The following GAPVD1 variants were observed in gnomAD, a reference collection of about 807,000 sequenced individuals.
GAPVD1 encodes GTPase-activating protein and VPS9 domain-containing protein 1.
GAPVD1 carries 35 observed loss-of-function variants against 155.5 expected under a neutral mutation model. The ratio of observed to expected loss-of-function variants is 0.23; its 90% confidence interval spans 0.17 to 0.30. The LOEUF (loss-of-function observed/expected upper bound fraction) is 0.30. Ranked by LOEUF, GAPVD1 falls within the 10% of genes least tolerant of loss-of-function variation. The pLI, the probability that GAPVD1 is intolerant of heterozygous loss-of-function variation, is 1.00. For missense variants in GAPVD1, 1,429 were observed against 1,775.7 expected (o/e 0.80, Z 3.51); for synonymous variants, 636 against 619.7 (o/e 1.03, Z -0.39).
intron 15 of GAPVD1, 104 bp from the exon 16 acceptor site, chr9:125,336,914 G>T: frequency 1.5e-6 from 1 of 657,130 alleles, no homozygotes; most frequent in Non-Finnish European, 2.7e-6. Context: ...AGTTCTAATG[G>T]ATCAAAAAAG....
At chr9:125,301,473 G>A (rs1282272694) in intron 4 of GAPVD1, among the ~76,000 whole-genome samples, 2 of 151,424 alleles carry the variant, frequency 1.3e-5, no homozygotes, top group African/African-American at 4.9e-5. Context: ...TTTCCAGACA[G>A]AGTCTTGCTT....
intron 12 of GAPVD1, among the ~76,000 whole-genome samples, chr9:125,328,184 ATTTCT>A (rs939262772): frequency 5.0e-5 from 7 of 139,352 alleles, no homozygotes; most frequent in Admixed American, 1.4e-4. Context: ...GTGCAAATAG[ATTTCT>A]TTTTTTTTTT....
rs368384186 is a variant in GAPVD1, at chr9:125,307,530, A to C, written c.1234A>C (p.Ser412Arg). The C allele has an allele frequency of 2.5e-6, 4 of 1,611,580 alleles. No individual in the cohort carries two copies. In the African/African-American group the frequency reaches 5.3e-5, roughly 22 times the overall value. Residue 412 changes from serine (S) to arginine (R), a missense_variant, in exon 7 of 28, where the codon AGT (serine) becomes CGT (arginine). This residue lies in a region of GAPVD1 where 628 missense variants were observed against 733.4 expected (regional missense o/e 0.86). Coordinates refer to ENST00000297933, the MANE Select transcript of GAPVD1 (RefSeq NM_001282680.3). ...CAGAACTGTGGTTTATATAACCTAC[A>C]GTCAGCTTATTACTCTGGTAATGGC... The part of the protein sequence containing the change: ...LSRTVVYITY[S>R]QLITLVNFMK...
intron 15 of GAPVD1, among the ~76,000 whole-genome samples, chr9:125,336,405 T>C (rs559819240): frequency 2.6e-5 from 4 of 152,326 alleles, no homozygotes; most frequent in African/African-American, 7.2e-5. Context: ...TTTAAAGTTA[T>C]TTGCTGAGAG....
At chr9:125,333,863 G>C (rs1370838013) in intron 15 of GAPVD1, among the ~76,000 whole-genome samples, 1 of 151,818 alleles carries the variant, frequency 6.6e-6, no homozygotes, top group Non-Finnish European at 1.5e-5. Flanking sequence ...TTGACATTTT[G>C]GGCTGGGAAA....
At chr9:125,315,995 T>C (rs1268472737) in intron 9 of GAPVD1, among the ~76,000 whole-genome samples, 1 of 152,204 alleles carries the variant, frequency 6.6e-6, no homozygotes, top group African/African-American at 2.4e-5. Context: ...GGAAATGTTT[T>C]GTTTTGTTAT....
intron 8 of GAPVD1, chr9:125,309,939 A>G (rs150687332): frequency 5.1e-4 from 241 of 468,626 alleles, no homozygotes; most frequent in African/African-American, 4.3e-3. Context: ...GACAACAGTT[A>G]GCAGCCATCA....
At chr9:125,327,436 G>T (rs1440032792) in intron 12 of GAPVD1, among the ~76,000 whole-genome samples, 1 of 152,118 alleles carries the variant, frequency 6.6e-6, no homozygotes, top group Non-Finnish European at 1.5e-5. Flanking sequence ...GTATGTTGCT[G>T]GGGTTTGGTG....
intron 11 of GAPVD1, among the ~76,000 whole-genome samples, chr9:125,325,928 G>A (rs1174621237): frequency 6.6e-6 from 1 of 152,192 alleles, no homozygotes; most frequent in Admixed American, 6.5e-5. Flanking sequence ...ATAATGTGAT[G>A]AAATCTCACA....
At chr9:125,354,526 C>T (rs972339686) in intron 23 of GAPVD1, 128 bp from the exon 24 acceptor site, 12 of 618,148 alleles carry the variant, frequency 1.9e-5, no homozygotes, top group Non-Finnish European at 3.4e-5. Context: ...CTGAAGAGAG[C>T]ACAGACATGC....
At chr9:125,273,682 ATGAAGTTCTAGATCCAT>A (rs1835271716) in intron 2 of GAPVD1, among the ~76,000 whole-genome samples, 1 of 151,926 alleles carries the variant, frequency 6.6e-6, no homozygotes, top group African/African-American at 2.4e-5. Flanking sequence ...TCAGAGGGCG[ATGAAGTTCTAGATCCAT>A]TGAGACAAGC....
intron 23 of GAPVD1, among the ~76,000 whole-genome samples, 161 bp downstream of exon 23, chr9:125,351,033 A>G (rs1160202016): frequency 1.3e-5 from 2 of 152,234 alleles, no homozygotes; most frequent in African/African-American, 4.8e-5. Context: ...CGCTGCTGAT[A>G]AAGATATACC....
At chr9:125,344,502 A>AT (rs1256737028) in intron 19 of GAPVD1, among the ~76,000 whole-genome samples, 1 of 152,104 alleles carries the variant, frequency 6.6e-6, no homozygotes, top group Admixed American at 6.6e-5. Context: ...TATAAATTGC[A>AT]TTTTTTGTTT....
At chr9:125,355,930 G>T in intron 25 of GAPVD1, 73 bp downstream of exon 25, 1 of 824,560 alleles carries the variant, frequency 1.2e-6, no homozygotes, top group Non-Finnish European at 2.1e-6. Context: ...TTTTAGGCAA[G>T]CTATACGTGT....
chr9:125,312,111 T>C (rs1440162590), intron 8 of GAPVD1, among the ~76,000 whole-genome samples: 1 of 152,218 alleles, frequency 6.6e-6, no homozygotes, highest in Non-Finnish European at 1.5e-5. Flanking sequence ...CTTAAAAAGA[T>C]AAGAAATGAG....
rs774339962 is a variant in GAPVD1 at position 125,346,923 on chromosome 9, G to T, written c.3151G>T (p.Ala1051Ser). Reference protein sequence around the residue: ...KRTSPSDGAMANYESTEVMGD... With the variant: ...KRTSPSDGAMSNYESTEVMGD... ...GACCAGCCCCAGTGATGGAGCAATGGCAAACTATGAAAGTACAGGTGATAA... is the reference window on the plus strand; with the variant it reads ...GACCAGCCCCAGTGATGGAGCAATGTCAAACTATGAAAGTACAGGTGATAA... Residue 1051 changes from alanine to serine, a missense_variant, in exon 20 of 28, where the codon GCA becomes TCA. Ala to Ser is a moderately conservative substitution (Grantham distance 99, BLOSUM62 1). Coordinates refer to ENST00000297933, the MANE Select transcript of GAPVD1 (RefSeq NM_001282680.3). 5 of 1,612,504 alleles carry T rather than the reference G, an allele frequency of 3.1e-6. No homozygotes were observed. The South Asian group carries it at 4.4e-5, about 14-fold the overall frequency.
intron 23 of GAPVD1, among the ~76,000 whole-genome samples, chr9:125,354,100 T>C (rs760007008): frequency 9.8e-4 from 149 of 152,296 alleles, no homozygotes; most frequent in Non-Finnish European, 1.7e-3. Flanking sequence ...TGCTGTGCTT[T>C]TTCTGCTGCC....
chr9:125,351,302 G>A (rs1466141768), intron 23 of GAPVD1, among the ~76,000 whole-genome samples: 4 of 152,248 alleles, frequency 2.6e-5, no homozygotes, highest in Non-Finnish European at 4.4e-5. Flanking sequence ...CACAACACAT[G>A]GGAATTCAAG....
intron 10 of GAPVD1, 140 bp downstream of exon 10, chr9:125,321,702 T>C (rs769875343): frequency 1.4e-6 from 1 of 724,260 alleles, no homozygotes; most frequent in Non-Finnish European, 2.2e-6. Flanking sequence ...CTAATGAGCC[T>C]GAACAGTTGG....
Sources: gnomAD v4.1 joint callset for allele counts (sites outside exome capture counted in the v4.1 genomes callset) on GRCh38, gnomAD v4.1.1 for gene constraint, gnomAD v4.1.1 regional missense constraint, MANE v1.5 for transcripts, NCBI Gene and HGNC (gene_info 2026-07-23, HGNC 2026-07-21) for gene names.